Variants in MERTK observed in about 807,000 individuals in gnomAD.
MERTK encodes the protein MER proto-oncogene, tyrosine kinase.
A neutral mutation model predicts 99.3 loss-of-function variants in MERTK; 69 were observed. The observed-to-expected ratio is 0.70, with a 90% CI of 0.57 to 0.85. MERTK has a LOEUF of 0.85. Among genes scored for constraint, MERTK ranks in the 40% least tolerant of loss-of-function variants. The probability of loss-of-function intolerance (pLI) is 0.00; values close to 1 mark genes in which losing one functional copy is unlikely to be tolerated. For missense variants in MERTK, 1,125 were observed against 1,249.4 expected (o/e 0.90, Z 1.50); for synonymous variants, 426 against 467.6 (o/e 0.91, Z 1.15).
intron 1 of MERTK, among the ~76,000 whole-genome samples, chr2:111,903,209 C>A (rs1178471779): frequency 1.3e-5 from 2 of 152,192 alleles, no homozygotes; most frequent in Non-Finnish European, 2.9e-5. Flanking sequence ...AGTATCAGAG[C>A]ACAGCATGAA....
chr2:112,019,269 G>A (rs1677282320), intron 15 of MERTK, 144 bp from the exon 16 acceptor site: 1 of 780,154 alleles, frequency 1.3e-6, no homozygotes, highest in South Asian at 1.4e-5. Context: ...TGTGATATTA[G>A]TGATATGGAA....
chr2:112,009,872 T>TA, intron 14 of MERTK, 76 bp from the exon 15 acceptor site: 1 of 1,110,688 alleles, frequency 9.0e-7, no homozygotes, highest in Non-Finnish European at 1.4e-6. Context: ...CTTCAGTTTT[T>TA]CCAGTGGTCC....
chr2:111,921,261 A>T (rs185635838), intron 1 of MERTK, among the ~76,000 whole-genome samples: 137 of 152,188 alleles, frequency 9.0e-4, no homozygotes, highest in Admixed American at 2.0e-3. Context: ...GAACTTTGGG[A>T]GGTGAAGGCG....
At chr2:111,967,941 G>A (rs1406367769) in intron 5 of MERTK, among the ~76,000 whole-genome samples, 196 bp from the exon 6 acceptor site, 3 of 152,098 alleles carry the variant, frequency 2.0e-5, no homozygotes, top group Non-Finnish European at 4.4e-5. Flanking sequence ...GCCCTTCACT[G>A]GAAGACTTCT....
At chr2:111,964,202 T>A (rs1685313804) in intron 4 of MERTK, among the ~76,000 whole-genome samples, 1 of 152,148 alleles carries the variant, frequency 6.6e-6, no homozygotes, top group Non-Finnish European at 1.5e-5. Flanking sequence ...TCTCTCCAAT[T>A]TATCTAATTA....
At chr2:112,005,882 A>G (rs975025256) in intron 13 of MERTK, among the ~76,000 whole-genome samples, 3 of 152,038 alleles carry the variant, frequency 2.0e-5, no homozygotes, top group Non-Finnish European at 4.4e-5. Flanking sequence ...GCTGAAGTTT[A>G]TTTATTTTTT....
In MERTK at chr2:112,028,397, C is replaced by G; in HGVS notation, c.2533C>G (p.Pro845Ala). The change falls in exon 19 of 19, where the codon CCC becomes GCC. Residue 845 changes from proline to alanine, a missense_variant. Pro to Ala is a conservative substitution (Grantham distance 27). Coordinates refer to ENST00000295408, the MANE Select transcript of MERTK (RefSeq NM_006343.3). The stretch of plus-strand genomic sequence containing the variant: ...CTGGAGAACCGATCCCTTAGACCGC[C>G]CCACCTTTTCAGTATTGAGGCTGCA... ...SCWRTDPLDRPTFSVLRLQLE... is the reference protein window; with the variant it reads ...SCWRTDPLDRATFSVLRLQLE... 6.2e-7 allele frequency: 1 copy of G among 1,614,092 alleles called. No homozygotes were observed. Among genetic ancestry groups the G allele is most frequent in the Non-Finnish European group, 8.5e-7 (1 of 1,180,006 alleles).
chr2:111,907,658 A>T (rs1451844071), intron 1 of MERTK, among the ~76,000 whole-genome samples: 1 of 142,534 alleles, frequency 7.0e-6, no homozygotes, highest in Non-Finnish European at 1.6e-5. Flanking sequence ...AGTGGGGCAT[A>T]TCCCCCCTGA....
intron 9 of MERTK, chr2:111,996,788 C>T (rs755365523): frequency 2.5e-4 from 45 of 178,884 alleles, no homozygotes; most frequent in African/African-American, 9.6e-4. Flanking sequence ...CATTAGCAGT[C>T]GATCCAAACT....
intron 7 of MERTK, 76 bp from the exon 8 acceptor site, chr2:111,982,766 A>G: frequency 6.5e-7 from 1 of 1,542,252 alleles, no homozygotes; most frequent in East Asian, 2.2e-5. Context: ...AAAACCAAAC[A>G]CTTGAAAACC....
rs145364188 is a variant in MERTK, at chr2:111,959,648, G to A, written c.758-5543G>A. Among the ~76,000 whole-genome samples the A allele has an allele frequency of 6.5e-3, 981 of 152,056 alleles. 13 individuals carry two copies. The highest frequency in any genetic ancestry group is 0.023 in the African/African-American group (945 of 41,474). On this transcript the variant is annotated intron_variant, in intron 4 of 18. Transcript: ENST00000295408. ...GTCACCATGCTCAGCTAATTTTTGT[G>A]TTTTTTGTAGAGATGGGGTTTCACC...
intron 18 of MERTK, among the ~76,000 whole-genome samples, chr2:112,024,295 A>G (rs796325893): frequency 3.9e-5 from 6 of 152,326 alleles, no homozygotes; most frequent in African/African-American, 1.4e-4. Flanking sequence ...TGCGGTGATT[A>G]TGTTGGGTCT....
intron 1 of MERTK, among the ~76,000 whole-genome samples, chr2:111,916,671 C>A (rs997840239): frequency 8.5e-5 from 13 of 152,064 alleles, no homozygotes; most frequent in Non-Finnish European, 1.9e-4. Flanking sequence ...TTTATGATTG[C>A]TTCTTTAAAA....
In MERTK at chr2:112,022,326, C is replaced by A. The variant is rs757858711; in HGVS notation, c.2418C>A (p.Asn806Lys). 6.2e-7 allele frequency: 1 copy of A among 1,614,066 alleles called. No individual in the cohort carries two copies. The highest frequency in any genetic ancestry group is 1.3e-5 in the African/African-American group (1 of 74,920). The change falls in exon 18 of 19, where the codon AAC (asparagine) becomes AAA (lysine). Residue 806 changes from asparagine (N) to lysine (K), a missense_variant. By Grantham distance (94) the Asn-to-Lys change is moderately conservative. Transcript: ENST00000295408. ...TGACTCCCTATCCTGGGGTCCAGAA[C>A]CATGAGATGTATGACTATCTTCTCC... Reference protein sequence around the residue: ...RGMTPYPGVQNHEMYDYLLHG... With the variant: ...RGMTPYPGVQKHEMYDYLLHG...
At chr2:112,007,583 C>T (rs1052815045) in intron 13 of MERTK, among the ~76,000 whole-genome samples, 1 of 152,158 alleles carries the variant, frequency 6.6e-6, no homozygotes, top group Non-Finnish European at 1.5e-5. Flanking sequence ...CTAGGTACTT[C>T]ATGTAAGTGG....
rs938208064 is a variant in MERTK at position 111,940,403 on chromosome 2, G to A, written c.483-4557G>A. On this transcript the variant is annotated intron_variant, in intron 2 of 18. Transcript: ENST00000295408. Reference sequence around the variant, plus strand: ...TTAATTTTTGTCTGTAGCTGTCTGAGCTCTTCTGTATACAGCAGTCACAGA... The same window carrying A: ...TTAATTTTTGTCTGTAGCTGTCTGAACTCTTCTGTATACAGCAGTCACAGA... 3 of 531,864 alleles carry A rather than the reference G, an allele frequency of 5.6e-6. No individual in the cohort carries two copies. The African/African-American group carries it at 5.8e-5, about 10-fold the overall frequency. 32.9% of individuals were successfully genotyped at this position (531,864 alleles called of 1,614,324 possible).
intron 18 of MERTK, among the ~76,000 whole-genome samples, chr2:112,023,247 C>T (rs1000692122): frequency 6.6e-5 from 10 of 151,902 alleles, no homozygotes; most frequent in African/African-American, 1.7e-4. Context: ...ACCCCGTCTC[C>T]GCTAAAAATA....
chr2:111,907,804 C>T (rs886766104), intron 1 of MERTK, among the ~76,000 whole-genome samples: 1 of 152,176 alleles, frequency 6.6e-6, no homozygotes, highest in East Asian at 1.9e-4. Flanking sequence ...ATGCAACGCT[C>T]TTAAATATTC....
chr2:112,019,564 G>T lies in MERTK; in HGVS notation c.2189+42G>T. 3 of 1,467,172 alleles carry T rather than the reference G, an allele frequency of 2.0e-6. No individual in the cohort carries two copies. The East Asian group carries it at 6.8e-5, about 33-fold the overall frequency. 90.9% of individuals were successfully genotyped at this position (1,467,172 alleles called of 1,614,324 possible). ...ATCCTGGAAGGGTTTGGACCTCATG[G>T]TGTTTGGTCTTTGCAGGGTTAGTGA... On this transcript the variant is annotated intron_variant, in intron 16 of 18. Transcript: ENST00000295408.
Sources: gnomAD v4.1 joint callset for allele counts (sites outside exome capture counted in the v4.1 genomes callset) on GRCh38, gnomAD v4.1.1 for gene constraint, MANE v1.5 for transcripts, NCBI Gene and HGNC (gene_info 2026-07-23, HGNC 2026-07-21) for gene names.